Variants in PML observed in about 807,000 individuals in gnomAD.
PML encodes protein PML.
Under a neutral mutation model 65.2 loss-of-function variants are expected in PML, and 28 were observed. The ratio of observed to expected loss-of-function variants is 0.43; its 90% CI spans 0.32 to 0.59. The LOEUF (loss-of-function observed/expected upper bound fraction) is 0.59. PML is among the 20% of genes least tolerant of loss of function. The pLI, the probability that PML is intolerant of heterozygous loss-of-function variation, is 0.08. For missense variants in PML, 1,021 were observed against 1,203.4 expected, an observed-to-expected ratio of 0.85 and a Z score of 2.24; for synonymous variants, 500 against 508.8, an observed-to-expected ratio of 0.98 and a Z score of 0.23.
intron 2 of PML, among the ~76,000 whole-genome samples, chr15:73,999,695 G>A (rs914324379): frequency 2.1e-5 from 3 of 144,274 alleles, no homozygotes; most frequent in Non-Finnish European, 4.8e-5. Flanking sequence ...AGAAAAAAAT[G>A]TATGCATTTC....
At chr15:74,011,799 A>G (rs145943153) in intron 2 of PML, among the ~76,000 whole-genome samples, 1 of 152,346 alleles carries the variant, frequency 6.6e-6, no homozygotes, top group East Asian at 1.9e-4. Flanking sequence ...GCGAGAGGCC[A>G]GAGAGTTAAC....
At chr15:73,995,705 GGTT>G (rs201364807) in intron 1 of PML, among the ~76,000 whole-genome samples, 10 of 132,410 alleles carry the variant, frequency 7.6e-5, no homozygotes, top group African/African-American at 1.3e-4. Flanking sequence ...TAAGCACTTT[GGTT>G]TTTTTTTGTT....
At chr15:73,998,922 T>C (rs1476358406) in intron 2 of PML, among the ~76,000 whole-genome samples, 5 of 152,182 alleles carry the variant, frequency 3.3e-5, no homozygotes, top group African/African-American at 1.2e-4. Context: ...GTCTGAAAAG[T>C]TGAAACCATT....
In PML at chr15:73,998,393, G is replaced by A. The variant is rs751860822; in HGVS notation, c.519G>A (p.Ser173=). ...ARPLAELRNQ[S]VREFLDGTRK... The stretch of plus-strand genomic sequence containing the variant: ...CCCTAGCAGAGCTGCGCAACCAGTC[G>A]GTGCGTGAGTTCCTGGACGGCACCC... Residue 173 remains serine, a synonymous_variant, in exon 2 of 9, where the codon TCG becomes TCA. Transcript: ENST00000268058. The A allele has an allele frequency of 1.9e-6, 3 of 1,613,912 alleles. No homozygotes were observed. The African/African-American group carries it at 4.0e-5, about 22-fold the overall frequency.
chr15:74,045,543 CTG>C lies in PML; in HGVS notation c.*537_*538del, dbSNP rs1456069304. 3 of 235,124 alleles carry C rather than the reference CTG, an allele frequency of 1.3e-5. No individual in the cohort carries two copies. In the East Asian group the frequency reaches 1.8e-4, roughly 14 times the overall value. 14.6% of individuals were successfully genotyped at this position (235,124 alleles called of 1,614,324 possible). A position where few individuals can be genotyped will look rare whatever the true frequency, so the allele number is the denominator to read the frequency against. ...CCCTCCACCTGCCCAGAGGCCAACT[CTG>C]TTCCCTTCTCCTTTCATCCCAGAGG... On this transcript the variant is annotated 3_prime_UTR_variant, in exon 9 of 9. Transcript: ENST00000268058.
At position 73,998,126 on chromosome 15, in the gene PML, G is replaced by C; in HGVS notation, c.252G>C (p.Ser84=). Reference sequence around the variant, plus strand: ...TGTGCTCAGGATGCCTGGAGGCGTCGGGCATGCAGTGCCCCATCTGCCAGG... The same window carrying C: ...TGTGCTCAGGATGCCTGGAGGCGTCCGGCATGCAGTGCCCCATCTGCCAGG... ...HTLCSGCLEA[S]GMQCPICQAP... Residue 84 remains serine, a synonymous_variant, in exon 2 of 9, where the codon TCG becomes TCC. Transcript: ENST00000268058. The C allele has an allele frequency of 1.2e-6, 2 of 1,614,048 alleles. 1 individual carries two copies. Among genetic ancestry groups the C allele is most frequent in the South Asian group, 2.2e-5 (2 of 91,074 alleles).
In PML at chr15:73,998,009, C is replaced by A; in HGVS notation, c.135C>A (p.Ala45=). 6.2e-7 allele frequency: 1 copy of A among 1,611,928 alleles called. No individual in the cohort carries two copies. Among genetic ancestry groups the A allele is most frequent in the Non-Finnish European group, 8.5e-7 (1 of 1,179,728 alleles). Reference sequence around the variant, plus strand: ...CTGCCTCTCTGGTCCCCCAGCGAGCCCCCGCTTCGGAGGAGGAGTTCCAGT... The same window carrying A: ...CTGCCTCTCTGGTCCCCCAGCGAGCACCCGCTTCGGAGGAGGAGTTCCAGT... ...PSPSPSPTER[A]PASEEEFQFL... The change falls in exon 2 of 9, where the codon GCC becomes GCA. Residue 45 remains alanine, a synonymous_variant. Transcript: ENST00000268058.
In PML at chr15:74,035,703, A is replaced by G; in HGVS notation, c.1710+1173A>G. On this transcript the variant is annotated intron_variant, in intron 7 of 8. Coordinates refer to ENST00000268058, the MANE Select transcript of PML (RefSeq NM_033238.3). This position sits in a 1 kb window ranked among gnomAD's most constrained non-coding sequence, Gnocchi z 4.1. The stretch of plus-strand genomic sequence containing the variant: ...CTCCCATTTATCCCAGTGGCTCAAC[A>G]ACTTTTTTGCCCTCCCCTTCTCCTC... 6.2e-7 allele frequency: 1 copy of G among 1,613,956 alleles called. No homozygotes were observed. The highest frequency in any genetic ancestry group is 8.5e-7 in the Non-Finnish European group (1 of 1,179,974).
chr15:74,035,577 G>T lies in PML; in HGVS notation c.1710+1047G>T. 2 of 1,611,588 alleles carry T rather than the reference G, an allele frequency of 1.2e-6. No homozygotes were observed. Among genetic ancestry groups the T allele is most frequent in the East Asian group, 2.2e-5 (1 of 44,852 alleles). ...CATCACAGGGCCCCTCAACCATCCT[G>T]CCAATGCCCAGGAACATCCTGCCCA... On this transcript the variant is annotated intron_variant, in intron 7 of 8. Transcript: ENST00000268058. This position sits in a 1 kb window ranked among gnomAD's most constrained non-coding sequence, Gnocchi z 4.1.
intron 2 of PML, 102 bp from the exon 3 acceptor site, chr15:74,022,719 ATGCCATG>A: frequency 1.1e-6 from 1 of 899,040 alleles, no homozygotes; most frequent in South Asian, 1.4e-5. Flanking sequence ...ACCTAGAAAC[ATGCCATG>A]ATTCAAAGTC....
chr15:74,020,321 GCTCTGTT>G (rs2070779495), intron 2 of PML, among the ~76,000 whole-genome samples: 1 of 122,408 alleles, frequency 8.2e-6, no homozygotes, highest in Non-Finnish European at 1.6e-5. Context: ...ATGGAGTCTT[GCTCTGTT>G]GGCCAGGCTG....
intron 2 of PML, among the ~76,000 whole-genome samples, chr15:74,005,348 G>T (rs749967930): frequency 1.1e-4 from 16 of 152,098 alleles, no homozygotes; most frequent in Non-Finnish European, 2.1e-4. Flanking sequence ...ACTGCACCCG[G>T]CCCATTTGTT....
chr15:74,009,749 C>T (rs530958934), intron 2 of PML, among the ~76,000 whole-genome samples: 16 of 151,986 alleles, frequency 1.1e-4, no homozygotes, highest in African/African-American at 3.1e-4. Context: ...TTTGTAGAGA[C>T]GAGTTTTCAC....
intron 2 of PML, among the ~76,000 whole-genome samples, chr15:74,010,332 C>T (rs1393293166): frequency 6.6e-6 from 1 of 150,988 alleles, no homozygotes; most frequent in African/African-American, 2.4e-5. Flanking sequence ...TGTGCCCAGC[C>T]TTTAGAACAA....
At chr15:74,030,487 AAAAATACAAAAATTAGCTGG>A (rs2071269758) in intron 4 of PML, among the ~76,000 whole-genome samples, 1 of 152,100 alleles carries the variant, frequency 6.6e-6, no homozygotes, top group Admixed American at 6.6e-5. Context: ...CATCTCTACT[AAAAATACAAAAATTAGCTGG>A]GCGTGGGGCT....
At chr15:74,020,992 G>A (rs749829935) in intron 2 of PML, among the ~76,000 whole-genome samples, 2 of 152,136 alleles carry the variant, frequency 1.3e-5, no homozygotes, top group Non-Finnish European at 2.9e-5. Context: ...AATAACACCT[G>A]CAAAGACCCT....
intron 7 of PML, chr15:74,036,411 T>G: frequency 6.9e-6 from 9 of 1,307,784 alleles, no homozygotes; most frequent in East Asian, 3.3e-5. Context: ...CGAACCCTTA[T>G]TCCACGACCA....
chr15:74,033,112 C>T (rs369944408), intron 5 of PML, 44 bp from the exon 6 acceptor site: 1 of 1,610,406 alleles, frequency 6.2e-7, no homozygotes, highest in African/African-American at 1.3e-5. Flanking sequence ...TGCCCACTCA[C>T]CCCTGCAGGC....
At chr15:74,007,391 G>T (rs1214105803) in intron 2 of PML, among the ~76,000 whole-genome samples, 1 of 152,238 alleles carries the variant, frequency 6.6e-6, no homozygotes, top group Non-Finnish European at 1.5e-5. Flanking sequence ...AAGAGGGCAG[G>T]ATTCCTGTTC....
Sources: allele counts gnomAD v4.1 joint callset (sites outside exome capture counted in the v4.1 genomes callset), GRCh38; gene constraint gnomAD v4.1.1; non-coding constraint Gnocchi (gnomAD v3.1); transcripts MANE v1.5; gene names NCBI Gene and HGNC (gene_info 2026-07-23, HGNC 2026-07-21).